Variants in PANX3 observed in about 807,000 individuals in gnomAD.
PANX3 encodes pannexin-3.
A neutral mutation model predicts 31.5 loss-of-function variants in PANX3; 18 were observed. The observed-to-expected ratio is 0.57, with a 90% CI of 0.39 to 0.85. PANX3 has a LOEUF of 0.85. Ranked by LOEUF, PANX3 falls within the 40% of genes least tolerant of loss-of-function variation. The pLI is 0.00. For synonymous variants in PANX3, 194 were observed against 201.6 expected, an observed-to-expected ratio of 0.96 and a Z score of 0.32; for missense variants, 426 against 485.4, an observed-to-expected ratio of 0.88 and a Z score of 1.15.
chr11:124,614,187 A>AG (rs1161043125), intron 2 of PANX3, among the ~76,000 whole-genome samples: 15 of 151,626 alleles, frequency 9.9e-5, no homozygotes, highest in African/African-American at 3.4e-4. Context: ...AAAAAAAAAA[A>AG]AAAAGAAAAA....
chr11:124,612,884 C>T (rs1457541889), intron 1 of PANX3, 96 bp from the exon 2 acceptor site: 2 of 1,472,060 alleles, frequency 1.4e-6, no homozygotes, highest in Non-Finnish European at 1.9e-6. Context: ...CAGTCCCTGC[C>T]AGAAACAGAA....
intron 2 of PANX3, among the ~76,000 whole-genome samples, chr11:124,614,919 C>T (rs2134310964): frequency 6.6e-6 from 1 of 151,786 alleles, no homozygotes; most frequent in Non-Finnish European, 1.5e-5. Context: ...TTGTGATCCG[C>T]CCACCTCGAC....
rs181697606 is a variant in PANX3 at position 124,615,925 on chromosome 11, T to C, written c.325-1349T>C. On this transcript the variant is annotated intron_variant, in intron 2 of 3. Coordinates refer to ENST00000284288, the MANE Select transcript of PANX3 (RefSeq NM_052959.3). ...TACTTGGGAGGCTGAGGCAGGAGAA[T>C]TGCTTGAACCCACAGGAGGCGGAGC... 1.8e-4 allele frequency among the ~76,000 whole-genome samples: 27 copies of C among 152,094 alleles called. No homozygotes were observed. In the East Asian group the frequency reaches 3.5e-3, roughly 20 times the overall value.
intron 2 of PANX3, 121 bp from the exon 3 acceptor site, chr11:124,617,153 T>A: frequency 2.4e-6 from 2 of 834,150 alleles, no homozygotes; most frequent in Non-Finnish European, 3.8e-6. Context: ...GGCTAGCCCA[T>A]TCCCCAAACA....
chr11:124,619,482 C>T lies in PANX3; in HGVS notation c.726C>T (p.Cys242=), dbSNP rs374117259. Residue 242 remains cysteine, a synonymous_variant, in exon 4 of 4, where the codon TGC becomes TGT. Transcript: ENST00000284288. ...LDVFFQEEFS[C]SIKTGLLSDE... ...TCTTCTTCCAGGAAGAATTCAGCTG[C>T]TCCATCAAGACAGGGCTGCTAAGTG... is the stretch of plus-strand genomic sequence containing the variant. 30 of 1,614,072 alleles carry T rather than the reference C, an allele frequency of 1.9e-5. No homozygotes were observed. The African/African-American group carries it at 3.9e-4, about 21-fold the overall frequency.
At chr11:124,614,880 T>A (rs1863135813) in intron 2 of PANX3, among the ~76,000 whole-genome samples, 1 of 151,324 alleles carries the variant, frequency 6.6e-6, no homozygotes, top group Non-Finnish European at 1.5e-5. Flanking sequence ...TTTTATCACG[T>A]TGGTCAGGCT....
At chr11:124,612,922 T>C (rs1863108556) in intron 1 of PANX3, 58 bp from the exon 2 acceptor site, 1 of 1,593,304 alleles carries the variant, frequency 6.3e-7, no homozygotes, top group African/African-American at 1.3e-5. Context: ...TGATTGCCCC[T>C]GAGTCCCCAC....
Position 124,620,113 on chromosome 11 carries a change from C to A in PANX3, c.*178C>A. The A allele has an allele frequency of 1.4e-6, 1 of 710,286 alleles. No homozygotes were observed. Among genetic ancestry groups the A allele is most frequent in the Non-Finnish European group, 2.2e-6 (1 of 457,548 alleles). The allele number at this position is 710,286 out of a possible 1,614,324, so 44.0% of individuals were successfully genotyped here. A position where few individuals can be genotyped will look rare whatever the true frequency, so the allele number is the denominator to read the frequency against. On this transcript the variant is annotated 3_prime_UTR_variant, in exon 4 of 4. Coordinates refer to ENST00000284288, the MANE Select transcript of PANX3 (RefSeq NM_052959.3). ...TAAAAGTGAGAAGACATAACCAAGA[C>A]ATGGAAATAAATGTGAAAGCTGGAG...
chr11:124,618,601 T>A (rs1863179325), intron 3 of PANX3, among the ~76,000 whole-genome samples: 1 of 151,928 alleles, frequency 6.6e-6, no homozygotes, highest in Non-Finnish European at 1.5e-5. Context: ...GTCCCAAAGA[T>A]CATACACAGA....
rs900892126 is a variant in PANX3 at position 124,617,506 on chromosome 11, C to T, written c.539+18C>T. The T allele has an allele frequency of 1.9e-6, 3 of 1,609,156 alleles. No homozygotes were observed. The African/African-American group carries it at 4.0e-5, about 22-fold the overall frequency. ...CTGGAGAAGTGAGTTGTCTCTTCCA[C>T]CTTTTTCTGAGAAATTCAGTCAAGC... On this transcript the variant is annotated intron_variant, in intron 3 of 3. Transcript: ENST00000284288.
At position 124,619,497 on chromosome 11, in the gene PANX3, G is replaced by T; in HGVS notation, c.741G>T (p.Gly247=). 6.2e-7 allele frequency: 1 copy of T among 1,614,148 alleles called. No individual in the cohort carries two copies. Among genetic ancestry groups the T allele is most frequent in the Non-Finnish European group, 8.5e-7 (1 of 1,180,038 alleles). ...AATTCAGCTGCTCCATCAAGACAGG[G>T]CTGCTAAGTGATGAGACCCATGTCC... The part of the protein sequence containing the change: ...QEEFSCSIKT[G]LLSDETHVPN... The change falls in exon 4 of 4, where the codon GGG becomes GGT. Residue 247 remains glycine (G), a synonymous_variant. Coordinates refer to ENST00000284288, the MANE Select transcript of PANX3 (RefSeq NM_052959.3).
rs371348490 is a variant in PANX3 at position 124,619,377 on chromosome 11, T to C, written c.621T>C (p.Ala207=). The change falls in exon 4 of 4, where the codon GCT becomes GCC. Residue 207 remains alanine, a synonymous_variant. Transcript: ENST00000284288. ...ACKQRSHSLV[A]TYLLRNSLLL... The stretch of plus-strand genomic sequence containing the variant: ...AGCAGCGTTCACATTCGCTAGTGGC[T>C]ACCTACCTCCTGAGGAACTCCCTCT... The C allele has an allele frequency of 3.1e-6, 5 of 1,614,094 alleles. No individual in the cohort carries two copies. In the African/African-American group the frequency reaches 5.3e-5, roughly 17 times the overall value.
chr11:124,617,543 A>T, intron 3 of PANX3, 55 bp downstream of exon 3: 1 of 1,543,708 alleles, frequency 6.5e-7, no homozygotes, highest in Non-Finnish European at 8.9e-7. Flanking sequence ...TTAAAATGAT[A>T]ACTTTGCATA....
At chr11:124,614,965 G>A (rs764864112) in intron 2 of PANX3, among the ~76,000 whole-genome samples, 13 of 151,886 alleles carry the variant, frequency 8.6e-5, no homozygotes, top group Non-Finnish European at 1.5e-4. Flanking sequence ...GTGAGCCACC[G>A]TGCCCAGCCA....
Position 124,616,827 on chromosome 11 carries a change from C to CCTAG in PANX3, c.325-436_325-433dup, listed in dbSNP as rs1018151491. Among the ~76,000 whole-genome samples the CCTAG allele has an allele frequency of 5.3e-5, 8 of 152,110 alleles. No homozygotes were observed. The highest frequency in any genetic ancestry group is 1.2e-4 in the Non-Finnish European group (8 of 68,020). ...AACATGGCCTCTGCTGGCCATGATC[C>CCTAG]CTAGCTAGCTAGCTGCCCAGACTAC... is the stretch of plus-strand genomic sequence containing the variant. On this transcript the variant is annotated intron_variant, in intron 2 of 3. Coordinates refer to ENST00000284288, the MANE Select transcript of PANX3 (RefSeq NM_052959.3). The surrounding 1 kb of genome is among the most constrained non-coding windows in gnomAD (Gnocchi z 4.8).
At chr11:124,612,206 G>A (rs1344894825) in intron 1 of PANX3, among the ~76,000 whole-genome samples, 1 of 152,224 alleles carries the variant, frequency 6.6e-6, no homozygotes, top group Middle Eastern at 3.4e-3. Context: ...AAGTGCCTGA[G>A]GGCCATGCAC....
intron 3 of PANX3, 82 bp from the exon 4 acceptor site, chr11:124,619,214 C>T: frequency 7.2e-7 from 1 of 1,394,910 alleles, no homozygotes; most frequent in Non-Finnish European, 9.8e-7. Flanking sequence ...GAAAACAGAT[C>T]TGTTACTTTG....
chr11:124,611,819 C>T (rs1182577185), intron 1 of PANX3, 82 bp downstream of exon 1: 36 of 1,417,412 alleles, frequency 2.5e-5, no homozygotes, highest in Non-Finnish European at 3.2e-5. Flanking sequence ...TGAGATGGTG[C>T]GCACAGTGAC....
At chr11:124,612,201 C>T in intron 1 of PANX3, among the ~76,000 whole-genome samples, 1 of 152,150 alleles carries the variant, frequency 6.6e-6, no homozygotes, top group South Asian at 2.1e-4. Context: ...GTGTTAAGTG[C>T]CTGAGGGCCA....
Sources: allele counts gnomAD v4.1 joint callset (sites outside exome capture counted in the v4.1 genomes callset), GRCh38; gene constraint gnomAD v4.1.1; non-coding constraint Gnocchi (gnomAD v3.1); transcripts MANE v1.5; gene names NCBI Gene and HGNC (gene_info 2026-07-23, HGNC 2026-07-21).